The following UBE2E2 variants were observed in gnomAD, a reference collection of about 807,000 sequenced individuals.
UBE2E2 encodes the protein ubiquitin-conjugating enzyme E2 E2.
UBE2E2 carries 6 observed loss-of-function variants against 24.7 expected under a neutral mutation model. That is an observed-to-expected ratio of 0.24 (90% CI 0.13 to 0.48). UBE2E2 has a LOEUF of 0.48. Among genes scored for constraint, UBE2E2 ranks in the 20% least tolerant of loss-of-function variants. UBE2E2 has a pLI of 0.99. For synonymous variants in UBE2E2, 104 were observed against 83.6 expected, an observed-to-expected ratio of 1.24 and a Z score of -1.33; for missense variants, 169 against 245.0, an observed-to-expected ratio of 0.69 and a Z score of 2.07.
At chr3:23,275,755 A>G (rs1021040836) in intron 3 of UBE2E2, among the ~76,000 whole-genome samples, 2 of 152,146 alleles carry the variant, frequency 1.3e-5, no homozygotes, top group Non-Finnish European at 2.9e-5. Context: ...GTGGCTTGGG[A>G]GGAGAAGGAA....
intron 3 of UBE2E2, among the ~76,000 whole-genome samples, chr3:23,291,521 A>G (rs182226245): frequency 6.6e-6 from 1 of 152,304 alleles, no homozygotes. Flanking sequence ...GAGACCGTAT[A>G]CAAGCAACAT....
intron 3 of UBE2E2, among the ~76,000 whole-genome samples, chr3:23,358,415 C>T (rs1359083793): frequency 1.3e-5 from 2 of 152,090 alleles, no homozygotes; most frequent in Admixed American, 6.5e-5. Flanking sequence ...TAAAATTAGT[C>T]TGGGAACATT....
intron 3 of UBE2E2, among the ~76,000 whole-genome samples, chr3:23,321,210 G>A (rs1212302420): frequency 6.6e-6 from 1 of 152,130 alleles, no homozygotes; most frequent in African/African-American, 2.4e-5. Context: ...ACTGGTTTAG[G>A]GTCGACTCTG....
At chr3:23,283,855 CAAAG>C (rs143001363) in intron 3 of UBE2E2, among the ~76,000 whole-genome samples, 51,015 of 151,712 alleles carry the variant, frequency 0.34, 8,733 homozygotes, top group South Asian at 0.4. Context: ...CACCCACTGA[CAAAG>C]AAACTTCGGG....
chr3:23,306,655 T>C (rs1371626890), intron 3 of UBE2E2, among the ~76,000 whole-genome samples: 2 of 152,182 alleles, frequency 1.3e-5, no homozygotes, highest in Non-Finnish European at 2.9e-5. Context: ...CATGTACCCA[T>C]TGTTTCTGCT....
At chr3:23,576,791 A>G (rs974236206) in intron 5 of UBE2E2, among the ~76,000 whole-genome samples, 1 of 152,196 alleles carries the variant, frequency 6.6e-6, no homozygotes, top group African/African-American at 2.4e-5. Flanking sequence ...GGGGCTCAAT[A>G]AATATTTGTT....
At chr3:23,500,600 C>G (rs1575669559) in intron 4 of UBE2E2, among the ~76,000 whole-genome samples, 1 of 152,140 alleles carries the variant, frequency 6.6e-6, no homozygotes, top group Admixed American at 6.5e-5. Flanking sequence ...TCACAATGCA[C>G]AGGGATAGAA....
At chr3:23,220,647 A>G (rs2125324413) in intron 3 of UBE2E2, among the ~76,000 whole-genome samples, 1 of 152,342 alleles carries the variant, frequency 6.6e-6, no homozygotes, top group East Asian at 1.9e-4. Flanking sequence ...CCACTGATCA[A>G]TAAATGTTTT....
chr3:23,290,374 T>G (rs1174811082), intron 3 of UBE2E2, among the ~76,000 whole-genome samples: 2 of 152,208 alleles, frequency 1.3e-5, no homozygotes, highest in African/African-American at 4.8e-5. Flanking sequence ...GTAAATCACC[T>G]GGAGGTCTTG....
rs551515779 is a variant in UBE2E2, at chr3:23,347,356, C to T, written c.227+130044C>T. On this transcript the variant is annotated intron_variant, in intron 3 of 5. Transcript: ENST00000396703. ...AAGAAAATGTGGCACATATACACCA[C>T]GGAATACTATGCAGCCATAAAAAAG... Among the ~76,000 whole-genome samples, 25 of 152,228 alleles carry T rather than the reference C, an allele frequency of 1.6e-4. No homozygotes were observed. In the East Asian group the frequency reaches 3.1e-3, roughly 19 times the overall value.
intron 3 of UBE2E2, among the ~76,000 whole-genome samples, chr3:23,453,704 G>A (rs1453286029): frequency 6.6e-6 from 1 of 152,124 alleles, no homozygotes; most frequent in Non-Finnish European, 1.5e-5. Context: ...AACAAACTGT[G>A]AATACATTTG....
intron 3 of UBE2E2, among the ~76,000 whole-genome samples, chr3:23,354,834 A>T (rs1179676592): frequency 6.6e-6 from 1 of 152,204 alleles, no homozygotes; most frequent in African/African-American, 2.4e-5. Context: ...TTCCTCAGGG[A>T]TCTAGAACTA....
chr3:23,569,088 A>G (rs1373215491), intron 5 of UBE2E2, among the ~76,000 whole-genome samples: 2 of 152,224 alleles, frequency 1.3e-5, no homozygotes, highest in Non-Finnish European at 2.9e-5. Context: ...CTACATGTCC[A>G]TCAGTTGATA....
At chr3:23,290,889 TAAAAAAAAA>T (rs71051209) in intron 3 of UBE2E2, among the ~76,000 whole-genome samples, 1 of 86,746 alleles carries the variant, frequency 1.2e-5, no homozygotes, top group South Asian at 4.2e-4. Flanking sequence ...ACTGTGTGTC[TAAAAAAAAA>T]AAAAAAAAAA....
intron 3 of UBE2E2, among the ~76,000 whole-genome samples, chr3:23,331,132 T>C (rs557892197): frequency 3.4e-4 from 52 of 152,248 alleles, no homozygotes; most frequent in Non-Finnish European, 5.4e-4. Context: ...TGAAGTTCTT[T>C]TGAATTTTTT....
chr3:23,297,246 C>A (rs1200474457), intron 3 of UBE2E2, among the ~76,000 whole-genome samples: 4 of 151,714 alleles, frequency 2.6e-5, no homozygotes, highest in African/African-American at 9.7e-5. Context: ...AAATTTTCTC[C>A]CATTCTGTAG....
chr3:23,518,894 T>G (rs2125472882), intron 4 of UBE2E2, among the ~76,000 whole-genome samples: 1 of 152,358 alleles, frequency 6.6e-6, no homozygotes. Context: ...ATAAAAGCCA[T>G]TTTGTGAATT....
intron 3 of UBE2E2, among the ~76,000 whole-genome samples, chr3:23,336,868 G>A (rs562438684): frequency 6.6e-6 from 1 of 152,166 alleles, no homozygotes; most frequent in Non-Finnish European, 1.5e-5. Context: ...GGCCGGGTGC[G>A]GTGTTGCATG....
At chr3:23,488,897 T>C (rs2125447942) in intron 3 of UBE2E2, among the ~76,000 whole-genome samples, 1 of 152,300 alleles carries the variant, frequency 6.6e-6, no homozygotes, top group South Asian at 2.1e-4. Context: ...AAGCCCTGAG[T>C]ACCTTGAGGC....
Sources: gnomAD v4.1 joint callset for allele counts (sites outside exome capture counted in the v4.1 genomes callset) on GRCh38, gnomAD v4.1.1 for gene constraint, MANE v1.5 for transcripts, NCBI Gene and HGNC (gene_info 2026-07-23, HGNC 2026-07-21) for gene names.